The following GAS2 variants were observed in gnomAD, a reference collection of about 807,000 sequenced individuals.
The protein encoded by GAS2 is growth arrest-specific protein 2.
GAS2 carries 20 observed loss-of-function variants against 37.5 expected under a neutral mutation model. The observed-to-expected ratio is 0.53, with a 90% CI of 0.37 to 0.77. The LOEUF (loss-of-function observed/expected upper bound fraction) is 0.77, where lower values mean the gene tolerates loss of function less well. Among genes scored for constraint, GAS2 ranks in the 30% least tolerant of loss-of-function variants. The pLI, the probability that GAS2 is intolerant of heterozygous loss-of-function variation, is 0.00. For missense variants in GAS2, 336 were observed against 373.4 expected, an observed-to-expected ratio of 0.90 and a Z score of 0.82; for synonymous variants, 144 against 132.2, an observed-to-expected ratio of 1.09 and a Z score of -0.61.
intron 7 of GAS2, among the ~76,000 whole-genome samples, chr11:22,809,511 G>A (rs1180400560): frequency 1.3e-5 from 2 of 151,798 alleles, no homozygotes; most frequent in Admixed American, 6.6e-5. Flanking sequence ...TATTTGAGAT[G>A]GAGTCTCACT....
intron 7 of GAS2, among the ~76,000 whole-genome samples, chr11:22,795,293 A>G (rs1856371283): frequency 6.6e-6 from 1 of 152,132 alleles, no homozygotes; most frequent in Admixed American, 6.6e-5. Flanking sequence ...TGACAACCCT[A>G]GCTGGGAGGG....
intron 4 of GAS2, among the ~76,000 whole-genome samples, chr11:22,734,716 C>T (rs1367212072): frequency 6.6e-6 from 1 of 151,574 alleles, no homozygotes; most frequent in Non-Finnish European, 1.5e-5. Context: ...ATGAGGTGGG[C>T]ACTATTGTTT....
In GAS2 at chr11:22,736,853, G is replaced by C. The variant is rs150109688; in HGVS notation, c.410-852G>C. 3.3e-3 allele frequency among the ~76,000 whole-genome samples: 504 copies of C among 151,916 alleles called. 2 individuals carry two copies. Among genetic ancestry groups the C allele is most frequent in the African/African-American group, 0.011 (468 of 41,422 alleles). On this transcript the variant is annotated intron_variant, in intron 4 of 7. Coordinates refer to ENST00000454584, the MANE Select transcript of GAS2 (RefSeq NM_001143830.3). Reference sequence around the variant, plus strand: ...ATCTCTCTTATCTTTATTCAGTGCTGAATAAAAGAACATTGTAAAAATCCC... The same window carrying C: ...ATCTCTCTTATCTTTATTCAGTGCTCAATAAAAGAACATTGTAAAAATCCC...
chr11:22,644,383 T>C (rs1489341431), intron 1 of GAS2, among the ~76,000 whole-genome samples: 4 of 152,126 alleles, frequency 2.6e-5, no homozygotes, highest in Non-Finnish European at 5.9e-5. Context: ...ATGTAAAAAT[T>C]CTTTCCAGTA....
intron 1 of GAS2, among the ~76,000 whole-genome samples, chr11:22,646,459 A>C (rs1848695295): frequency 6.6e-6 from 1 of 152,148 alleles, no homozygotes; most frequent in Admixed American, 6.6e-5. Flanking sequence ...TACCATTCCA[A>C]ATATTTTCAA....
chr11:22,760,271 G>A (rs1008187021), intron 7 of GAS2, among the ~76,000 whole-genome samples: 38 of 151,934 alleles, frequency 2.5e-4, no homozygotes, highest in African/African-American at 8.0e-4. Flanking sequence ...ATGAGCCACC[G>A]CACACAGTGT....
At chr11:22,648,138 A>G (rs1365749507) in intron 1 of GAS2, among the ~76,000 whole-genome samples, 1 of 152,216 alleles carries the variant, frequency 6.6e-6, no homozygotes, top group African/African-American at 2.4e-5. Context: ...AGCTTTCTGC[A>G]TATGGCTAGC....
intron 1 of GAS2, among the ~76,000 whole-genome samples, chr11:22,656,376 G>A (rs950981385): frequency 6.6e-6 from 1 of 152,138 alleles, no homozygotes; most frequent in African/African-American, 2.4e-5. Context: ...ATCTGCCTAA[G>A]GCACAGAATG....
intron 4 of GAS2, among the ~76,000 whole-genome samples, chr11:22,734,338 A>T (rs1446658674): frequency 6.6e-6 from 1 of 151,684 alleles, no homozygotes; most frequent in East Asian, 1.9e-4. Flanking sequence ...ATATCTTTAC[A>T]TGTTGGCCAA....
At chr11:22,709,481 A>G (rs538982629) in intron 3 of GAS2, among the ~76,000 whole-genome samples, 1 of 152,300 alleles carries the variant, frequency 6.6e-6, no homozygotes, top group African/African-American at 2.4e-5. Flanking sequence ...TTAATTCTCA[A>G]AACATGTTAC....
chr11:22,752,337 G>T (rs1853787904), intron 6 of GAS2, among the ~76,000 whole-genome samples: 1 of 151,832 alleles, frequency 6.6e-6, no homozygotes, highest in Non-Finnish European at 1.5e-5. Flanking sequence ...TTTGCATTCT[G>T]TTTGATAGGT....
chr11:22,626,128 C>A (rs544623766), intron 1 of GAS2: 2 of 331,846 alleles, frequency 6.0e-6, no homozygotes, highest in Admixed American at 5.2e-5. Flanking sequence ...TTGGAAATAT[C>A]CTTAAGTAGA....
chr11:22,783,088 C>T (rs1439059893), intron 7 of GAS2, among the ~76,000 whole-genome samples: 1 of 152,112 alleles, frequency 6.6e-6, no homozygotes, highest in Non-Finnish European at 1.5e-5. Context: ...GTCCCCTTTT[C>T]TCTGCAGGCT....
chr11:22,703,933 C>T (rs999110590), intron 3 of GAS2, among the ~76,000 whole-genome samples: 5 of 152,088 alleles, frequency 3.3e-5, no homozygotes, highest in African/African-American at 1.2e-4. Context: ...GCCTCGCTAG[C>T]ATTGCTGTTT....
chr11:22,812,374 T>A lies in GAS2; in HGVS notation c.*358T>A, dbSNP rs994181789. 2 of 173,940 alleles carry A rather than the reference T, an allele frequency of 1.1e-5. No individual in the cohort carries two copies. The highest frequency in any genetic ancestry group is 4.8e-5 in the African/African-American group (2 of 41,530). The allele number at this position is 173,940 out of a possible 1,614,324, so 10.8% of individuals were successfully genotyped here. A position where few individuals can be genotyped will look rare whatever the true frequency, so the allele number is the denominator to read the frequency against. On this transcript the variant is annotated 3_prime_UTR_variant, in exon 8 of 8. Coordinates refer to ENST00000454584, the MANE Select transcript of GAS2 (RefSeq NM_001143830.3). ...ATAAGTCAACAGAAAGTGCCTGCTT[T>A]ACACTCATGAGTAAAAGCACTCCAG...
Position 22,636,079 on chromosome 11 carries a change from C to A in GAS2, c.-21+10266C>A, listed in dbSNP as rs76694411. Among the ~76,000 whole-genome samples, 639 of 152,270 alleles carry A rather than the reference C, an allele frequency of 4.2e-3. 3 individuals carry two copies. Among genetic ancestry groups the A allele is most frequent in the Middle Eastern group, 0.024 (7 of 294 alleles). ...TTAGGGTGTAGGTTGCTGCCCACTG[C>A]TTCTTTCAAAGGGTCTATGTTTTTG... is the stretch of plus-strand genomic sequence containing the variant. On this transcript the variant is annotated intron_variant, in intron 1 of 5. Coordinates refer to the GAS2 transcript ENST00000528582.
intron 5 of GAS2, 94 bp from the exon 6 acceptor site, chr11:22,749,026 G>A (rs1334519320): frequency 8.3e-7 from 1 of 1,203,802 alleles, no homozygotes; most frequent in Non-Finnish European, 1.2e-6. Flanking sequence ...AAAAGTCAGT[G>A]ATTTACTCCC....
At chr11:22,652,602 G>C (rs536332372) in intron 1 of GAS2, among the ~76,000 whole-genome samples, 1 of 152,226 alleles carries the variant, frequency 6.6e-6, no homozygotes, top group African/African-American at 2.4e-5. Context: ...CTCCGAGCCA[G>C]GTGGGGGATA....
At chr11:22,714,224 A>G (rs1259577915) in intron 3 of GAS2, among the ~76,000 whole-genome samples, 1 of 152,194 alleles carries the variant, frequency 6.6e-6, no homozygotes, top group Non-Finnish European at 1.5e-5. Context: ...AGGGGTAGCT[A>G]TTCTTATATC....
Sources: gnomAD v4.1 joint callset for allele counts (sites outside exome capture counted in the v4.1 genomes callset) on GRCh38, gnomAD v4.1.1 for gene constraint, MANE v1.5 for transcripts, NCBI Gene and HGNC (gene_info 2026-07-23, HGNC 2026-07-21) for gene names.